B3GALT1: variants seen among roughly 807,000 people sequenced by gnomAD.
B3GALT1 encodes beta-1,3-galactosyltransferase 1.
B3GALT1 carries 10 observed loss-of-function variants against 23.2 expected under a neutral mutation model. The ratio of observed to expected loss-of-function variants is 0.43; its 90% CI spans 0.27 to 0.73. The LOEUF (loss-of-function observed/expected upper bound fraction) is 0.73, where lower values mean the gene tolerates loss of function less well. B3GALT1 is among the 30% of genes least tolerant of loss of function. The pLI is 0.21. For missense variants in B3GALT1, 299 were observed against 405.4 expected (o/e 0.74, Z 2.25); for synonymous variants, 156 against 141.5 (o/e 1.10, Z -0.73).
chr2:167,395,513 C>T (rs1243989751), intron 1 of B3GALT1, among the ~76,000 whole-genome samples: 1 of 152,110 alleles, frequency 6.6e-6, no homozygotes, highest in Non-Finnish European at 1.5e-5. Flanking sequence ...TCCCCAGAAC[C>T]TCCAGAAAGA....
chr2:167,816,443 CTTT>C (rs879493755), intron 3 of B3GALT1, among the ~76,000 whole-genome samples: 1 of 144,920 alleles, frequency 6.9e-6, no homozygotes, highest in Non-Finnish European at 1.5e-5. Context: ...TTTTCCACAC[CTTT>C]TTTTTTTTGG....
intron 2 of B3GALT1, among the ~76,000 whole-genome samples, chr2:167,497,342 C>G (rs1208697506): frequency 6.6e-6 from 1 of 152,024 alleles, no homozygotes; most frequent in Non-Finnish European, 1.5e-5. Context: ...GAGCTAGTAT[C>G]CTAAGGGAGA....
intron 2 of B3GALT1, among the ~76,000 whole-genome samples, chr2:167,530,410 G>C (rs1176896420): frequency 1.3e-5 from 2 of 152,098 alleles, no homozygotes; most frequent in Non-Finnish European, 2.9e-5. Context: ...TCAGTGCTTG[G>C]CAGCCAGTAG....
intron 1 of B3GALT1, among the ~76,000 whole-genome samples, chr2:167,485,917 G>A (rs180799581): frequency 1.3e-5 from 2 of 152,284 alleles, no homozygotes; most frequent in East Asian, 3.9e-4. Flanking sequence ...TTAGATACAA[G>A]CCCTGCAGAC....
At chr2:167,520,601 C>T (rs151221206) in intron 2 of B3GALT1, among the ~76,000 whole-genome samples, 62 of 152,264 alleles carry the variant, frequency 4.1e-4, no homozygotes, top group African/African-American at 1.4e-3. Context: ...GCAAAAAAAC[C>T]GTTGCCATGA....
At chr2:167,394,684 A>G (rs1279451969) in intron 1 of B3GALT1, among the ~76,000 whole-genome samples, 2 of 152,154 alleles carry the variant, frequency 1.3e-5, no homozygotes, top group Non-Finnish European at 2.9e-5. Context: ...TCCATCCCTG[A>G]GGCACACTCC....
intron 4 of B3GALT1, among the ~76,000 whole-genome samples, chr2:167,847,832 T>C (rs952234729): frequency 1.3e-5 from 2 of 151,832 alleles, no homozygotes; most frequent in Admixed American, 1.3e-4. Context: ...ATAAAATTGA[T>C]AGACTATTAA....
chr2:167,698,721 A>T (rs1219252919), intron 3 of B3GALT1, among the ~76,000 whole-genome samples: 1 of 152,232 alleles, frequency 6.6e-6, no homozygotes, highest in East Asian at 1.9e-4. Flanking sequence ...ATCTTGTTGA[A>T]ATAGAAATGT....
chr2:167,383,557 CAT>C (rs1414584241), intron 1 of B3GALT1, among the ~76,000 whole-genome samples: 5 of 152,266 alleles, frequency 3.3e-5, no homozygotes, highest in African/African-American at 9.6e-5. Context: ...AAAAATAACA[CAT>C]GATAGGAAAA....
rs1315438442 is a variant in B3GALT1, at chr2:167,872,701, GC to G, written c.*2684del. Reference sequence around the variant, plus strand: ...ATGTGTGTGCATACATTATGATACAGCCCTGATCTTTAAAAGGAGCAAAAAT... The same window carrying G: ...ATGTGTGTGCATACATTATGATACAGCCTGATCTTTAAAAGGAGCAAAAAT... On this transcript the variant is annotated 3_prime_UTR_variant, in exon 5 of 5. Coordinates refer to ENST00000392690, the MANE Select transcript of B3GALT1 (RefSeq NM_020981.4). 1 of 152,186 alleles carries G rather than the reference GC, an allele frequency of 6.6e-6. No individual in the cohort carries two copies. Among genetic ancestry groups the G allele is most frequent in the Non-Finnish European group, 1.5e-5 (1 of 68,028 alleles). The allele number at this position is 152,186 out of a possible 1,614,324, so 9.4% of individuals were successfully genotyped here. A position where few individuals can be genotyped will look rare whatever the true frequency, so the allele number is the denominator to read the frequency against.
intron 4 of B3GALT1, among the ~76,000 whole-genome samples, chr2:167,835,719 C>T (rs1689450312): frequency 6.6e-6 from 1 of 152,232 alleles, no homozygotes; most frequent in African/African-American, 2.4e-5. Flanking sequence ...TGAGAACGGG[C>T]AGACTGCCTC....
chr2:167,359,245 T>G (rs943347663), intron 1 of B3GALT1, among the ~76,000 whole-genome samples: 7 of 152,176 alleles, frequency 4.6e-5, no homozygotes, highest in Non-Finnish European at 8.8e-5. Flanking sequence ...CTTCTTTGAG[T>G]GCACACTAGG....
intron 1 of B3GALT1, among the ~76,000 whole-genome samples, chr2:167,404,113 C>T (rs1372252891): frequency 6.6e-6 from 1 of 152,022 alleles, no homozygotes; most frequent in Non-Finnish European, 1.5e-5. Context: ...CAAGCTGCTT[C>T]CACTCATGGT....
At chr2:167,468,158 T>C (rs1444250875) in intron 1 of B3GALT1, among the ~76,000 whole-genome samples, 1 of 152,170 alleles carries the variant, frequency 6.6e-6, no homozygotes, top group Non-Finnish European at 1.5e-5. Context: ...ATGTGCACTA[T>C]CTGAAGGACT....
At chr2:167,627,041 G>A (rs913816576) in intron 2 of B3GALT1, among the ~76,000 whole-genome samples, 4 of 151,680 alleles carry the variant, frequency 2.6e-5, no homozygotes, top group East Asian at 3.9e-4. Flanking sequence ...AGGGCTAAGT[G>A]TATTTTTCCT....
chr2:167,378,501 A>G (rs2105274462), intron 1 of B3GALT1, among the ~76,000 whole-genome samples: 1 of 152,048 alleles, frequency 6.6e-6, no homozygotes, highest in South Asian at 2.1e-4. Flanking sequence ...ATATTTCTTA[A>G]AGGCCTTGTT....
At chr2:167,566,552 A>T (rs1262829105) in intron 2 of B3GALT1, among the ~76,000 whole-genome samples, 1 of 100,192 alleles carries the variant, frequency 1.0e-5, no homozygotes, top group Non-Finnish European at 1.8e-5. Context: ...AATAAACTTT[A>T]AAAAAAAAGA....
At chr2:167,469,778 T>C (rs901513204) in intron 1 of B3GALT1, among the ~76,000 whole-genome samples, 2 of 152,136 alleles carry the variant, frequency 1.3e-5, no homozygotes, top group African/African-American at 2.4e-5. Flanking sequence ...TGTCTTTAGG[T>C]ATAACATGTG....
intron 3 of B3GALT1, chr2:167,716,117 G>A (rs1687141852): frequency 2.0e-6 from 3 of 1,483,320 alleles, no homozygotes; most frequent in South Asian, 1.2e-5. Context: ...CACAACAAGC[G>A]GTGGAGAACA....
Sources: gnomAD v4.1 joint callset for allele counts (sites outside exome capture counted in the v4.1 genomes callset) on GRCh38, gnomAD v4.1.1 for gene constraint, MANE v1.5 for transcripts, NCBI Gene and HGNC (gene_info 2026-07-23, HGNC 2026-07-21) for gene names.